Variants in GOLPH3 observed in about 807,000 individuals in gnomAD.
The protein encoded by GOLPH3 is coat protein GPP34.
A neutral mutation model predicts 28.5 loss-of-function variants in GOLPH3; 14 were observed. The ratio of observed to expected loss-of-function variants is 0.49; its 90% CI spans 0.32 to 0.77. GOLPH3 has a LOEUF of 0.77. Among genes scored for constraint, GOLPH3 ranks in the 30% least tolerant of loss-of-function variants. The pLI, the probability that GOLPH3 is intolerant of heterozygous loss-of-function variation, is 0.03. For synonymous variants in GOLPH3, 158 were observed against 159.2 expected (o/e 0.99, Z 0.06); for missense variants, 350 against 393.7 (o/e 0.89, Z 0.94).
chr5:32,128,803 TAA>T (rs754409274), intron 3 of GOLPH3, among the ~76,000 whole-genome samples: 23 of 140,594 alleles, frequency 1.6e-4, no homozygotes, highest in Middle Eastern at 3.6e-3. Context: ...GCATCGAAGT[TAA>T]AAAAAAAAAA....
chr5:32,170,979 C>T (rs1316551668), intron 1 of GOLPH3, among the ~76,000 whole-genome samples: 1 of 152,080 alleles, frequency 6.6e-6, no homozygotes, highest in Non-Finnish European at 1.5e-5. Flanking sequence ...GCATCTGGAC[C>T]TTAGCCATGA....
At position 32,126,293 on chromosome 5, in the gene GOLPH3, G is replaced by A. The variant is rs749634648; in HGVS notation, c.816C>T (p.Leu272=). The A allele has an allele frequency of 4.3e-6, 7 of 1,614,158 alleles. No individual in the cohort carries two copies. The highest frequency in any genetic ancestry group is 1.7e-5 in the Admixed American group (1 of 60,028). ...DLATKRVRQL[L]DLDPEVECLK... is the part of the protein sequence containing the mutation. The stretch of plus-strand genomic sequence containing the variant: ...GACATTCCACTTCAGGGTCTAAGTC[G>A]AGAAGCTGCCGCACTCTCTTGGTAG... The change falls in exon 4 of 4, where the codon CTC becomes CTT. Residue 272 remains leucine (L), a synonymous_variant. Coordinates refer to ENST00000265070, the MANE Select transcript of GOLPH3 (RefSeq NM_022130.4).
chr5:32,142,951 A>G lies in GOLPH3; in HGVS notation c.357+798T>C, dbSNP rs867737806. 3.9e-5 allele frequency among the ~76,000 whole-genome samples: 6 copies of G among 152,186 alleles called. No individual in the cohort carries two copies. In the East Asian group the frequency reaches 9.7e-4, roughly 25 times the overall value. On this transcript the variant is annotated intron_variant, in intron 2 of 3. Transcript: ENST00000265070. ...GGCCACCACCCCGTCTGGGAGGTGTACCCAACAGCTCACTGAGAACGGGCC... is the reference window on the plus strand; with the variant it reads ...GGCCACCACCCCGTCTGGGAGGTGTGCCCAACAGCTCACTGAGAACGGGCC...
chr5:32,143,961 C>T, intron 1 of GOLPH3, 81 bp from the exon 2 acceptor site: 2 of 944,852 alleles, frequency 2.1e-6, no homozygotes, highest in Non-Finnish European at 3.0e-6. Flanking sequence ...TATTATCAGC[C>T]AAAGTCATAT....
intron 1 of GOLPH3, among the ~76,000 whole-genome samples, chr5:32,148,343 TG>T (rs1746223762): frequency 6.6e-6 from 1 of 152,250 alleles, no homozygotes; most frequent in Admixed American, 6.5e-5. Flanking sequence ...GTTATATGAA[TG>T]TTCAGTTACT....
At chr5:32,132,130 TGGG>T (rs1745838232) in intron 3 of GOLPH3, among the ~76,000 whole-genome samples, 1 of 152,196 alleles carries the variant, frequency 6.6e-6, no homozygotes, top group African/African-American at 2.4e-5. Context: ...CACTACAGCC[TGGG>T]TGATGGCGAG....
At chr5:32,142,422 G>C (rs1252549268) in intron 2 of GOLPH3, among the ~76,000 whole-genome samples, 1 of 151,208 alleles carries the variant, frequency 6.6e-6, no homozygotes, top group Admixed American at 6.6e-5. Context: ...CACCCCGTCC[G>C]GGAAGTGAGG....
At chr5:32,156,586 G>T (rs62361292) in intron 1 of GOLPH3, among the ~76,000 whole-genome samples, 1 of 152,266 alleles carries the variant, frequency 6.6e-6, no homozygotes, top group South Asian at 2.1e-4. Context: ...ACTGGTTTCA[G>T]GAAAGACAAT....
At chr5:32,166,978 T>C (rs1322895053) in intron 1 of GOLPH3, among the ~76,000 whole-genome samples, 7 of 150,654 alleles carry the variant, frequency 4.6e-5, no homozygotes, top group Admixed American at 4.6e-4. Flanking sequence ...GGGGGGGGAG[T>C]TTGCAAAGAC....
chr5:32,172,281 G>A (rs1026201921), intron 1 of GOLPH3, among the ~76,000 whole-genome samples: 5 of 151,632 alleles, frequency 3.3e-5, no homozygotes, highest in African/African-American at 1.2e-4. Context: ...AATAAGAAAG[G>A]TCCATAAACG....
chr5:32,149,569 T>C (rs1427245555), intron 1 of GOLPH3, among the ~76,000 whole-genome samples: 1 of 152,044 alleles, frequency 6.6e-6, no homozygotes, highest in Admixed American at 6.6e-5. Flanking sequence ...ACATGAAATT[T>C]TGATTATGTC....
chr5:32,131,744 T>A (rs1745828996), intron 3 of GOLPH3, among the ~76,000 whole-genome samples: 1 of 152,236 alleles, frequency 6.6e-6, no homozygotes, highest in African/African-American at 2.4e-5. Context: ...ATTATTCATG[T>A]CCACTGCCCA....
At chr5:32,162,352 C>T (rs942777553) in intron 1 of GOLPH3, among the ~76,000 whole-genome samples, 1 of 150,956 alleles carries the variant, frequency 6.6e-6, no homozygotes, top group East Asian at 1.9e-4. Flanking sequence ...TTTAGCCAGG[C>T]GTGGTGGCAG....
At chr5:32,127,461 G>A (rs1317179771) in intron 3 of GOLPH3, among the ~76,000 whole-genome samples, 5 of 152,154 alleles carry the variant, frequency 3.3e-5, no homozygotes, top group East Asian at 3.8e-4. Context: ...TTGTAAGGTC[G>A]AGATTTTCTA....
intron 3 of GOLPH3, among the ~76,000 whole-genome samples, chr5:32,133,533 C>A (rs1279564410): frequency 1.3e-5 from 2 of 152,214 alleles, no homozygotes; most frequent in Non-Finnish European, 2.9e-5. Context: ...AGCCAGTGCT[C>A]TGAAAACAAT....
chr5:32,158,033 C>A (rs1408997381), intron 1 of GOLPH3, among the ~76,000 whole-genome samples: 3 of 129,098 alleles, frequency 2.3e-5, no homozygotes, highest in South Asian at 4.8e-4. Context: ...TACACACACA[C>A]ACACACACAC....
At chr5:32,138,313 T>C (rs1745981423) in intron 2 of GOLPH3, among the ~76,000 whole-genome samples, 1 of 152,204 alleles carries the variant, frequency 6.6e-6, no homozygotes, top group South Asian at 2.1e-4. Flanking sequence ...ACAGTATCTA[T>C]CTCTGTGACA....
chr5:32,142,864 C>T (rs1175265999), intron 2 of GOLPH3, among the ~76,000 whole-genome samples: 2 of 149,564 alleles, frequency 1.3e-5, no homozygotes, highest in Non-Finnish European at 1.5e-5. Context: ...CCGCCCCGTC[C>T]GGGAGGTGAG....
chr5:32,148,535 C>T (rs767244414), intron 1 of GOLPH3, among the ~76,000 whole-genome samples: 4 of 152,190 alleles, frequency 2.6e-5, no homozygotes, highest in Non-Finnish European at 4.4e-5. Flanking sequence ...TGGTGGCTCA[C>T]GCCTGTAATC....
Sources: allele counts gnomAD v4.1 joint callset (sites outside exome capture counted in the v4.1 genomes callset), GRCh38; gene constraint gnomAD v4.1.1; transcripts MANE v1.5; gene names NCBI Gene and HGNC (gene_info 2026-07-23, HGNC 2026-07-21).